The following CWC27 variants were observed in gnomAD, a reference collection of about 807,000 sequenced individuals.
CWC27 encodes the protein spliceosome-associated protein CWC27 homolog.
In CWC27, 47 loss-of-function variants were observed where a neutral mutation model predicts 63.6. That is an observed-to-expected ratio of 0.74 (90% CI 0.58 to 0.94). The LOEUF (loss-of-function observed/expected upper bound fraction) is 0.94. CWC27 is among the 40% of genes least tolerant of loss of function. CWC27 has a pLI of 0.00. For missense variants in CWC27, 495 were observed against 554.3 expected (o/e 0.89, Z 1.07); for synonymous variants, 175 against 179.8 (o/e 0.97, Z 0.22).
intron 10 of CWC27, among the ~76,000 whole-genome samples, chr5:64,858,070 G>A (rs1462515738): frequency 1.4e-5 from 2 of 139,412 alleles, no homozygotes; most frequent in Non-Finnish European, 1.5e-5. Context: ...CCCGGGAGGC[G>A]GAGCTTGCAG....
intron 8 of CWC27, 80 bp downstream of exon 8, chr5:64,800,407 G>A: frequency 1.9e-6 from 2 of 1,046,182 alleles, no homozygotes; most frequent in Non-Finnish European, 2.9e-6. Context: ...TGAGTAAACA[G>A]TCAGTCCTCA....
At chr5:64,797,485 TAAAAGTTAGTTA>T (rs1007855754) in intron 7 of CWC27, among the ~76,000 whole-genome samples, 1 of 152,172 alleles carries the variant, frequency 6.6e-6, no homozygotes, top group Non-Finnish European at 1.5e-5. Flanking sequence ...AATTTAATTT[TAAAAGTTAGTTA>T]AAATTTGAAA....
rs558041702 is a variant in CWC27 at position 64,867,079 on chromosome 5, GA to G, written c.939-18362del. 1.1e-4 allele frequency among the ~76,000 whole-genome samples: 16 copies of G among 152,194 alleles called. No individual in the cohort carries two copies. In the East Asian group the frequency reaches 3.1e-3, roughly 29 times the overall value. ...GGGAAGCAATTTGGGTTAGTTTTAA[GA>G]ATGTTCAAAAGAAAAGAGAATCAAG... On this transcript the variant is annotated intron_variant, in intron 10 of 13. Coordinates refer to ENST00000381070, the MANE Select transcript of CWC27 (RefSeq NM_005869.4).
chr5:64,986,386 C>T (rs1202993507), intron 13 of CWC27, among the ~76,000 whole-genome samples: 1 of 152,176 alleles, frequency 6.6e-6, no homozygotes, highest in Non-Finnish European at 1.5e-5. Context: ...ATAAATCCCA[C>T]TTGGTCATGG....
intron 4 of CWC27, among the ~76,000 whole-genome samples, chr5:64,784,457 C>T (rs921006819): frequency 5.9e-5 from 9 of 152,156 alleles, no homozygotes; most frequent in Non-Finnish European, 8.8e-5. Flanking sequence ...TATTAGGGAA[C>T]GTCCTTTCTA....
At chr5:64,936,129 A>G (rs1253127300) in intron 11 of CWC27, among the ~76,000 whole-genome samples, 2 of 152,118 alleles carry the variant, frequency 1.3e-5, no homozygotes, top group Non-Finnish European at 2.9e-5. Context: ...AGAACTTCCA[A>G]TATTATGTTG....
intron 11 of CWC27, among the ~76,000 whole-genome samples, chr5:64,892,856 T>G (rs878891144): frequency 5.3e-5 from 8 of 149,922 alleles, no homozygotes; most frequent in Admixed American, 4.0e-4. Flanking sequence ...CTCTCGTTCT[T>G]TAAAAAAAAA....
chr5:64,909,968 T>C (rs560644499), intron 11 of CWC27, among the ~76,000 whole-genome samples: 1 of 152,342 alleles, frequency 6.6e-6, no homozygotes, highest in East Asian at 1.9e-4. Context: ...CTTTGTTCCA[T>C]TGCTGGCAAG....
intron 11 of CWC27, among the ~76,000 whole-genome samples, chr5:64,904,883 C>T (rs576843725): frequency 1.3e-5 from 2 of 149,202 alleles, no homozygotes; most frequent in South Asian, 4.2e-4. Flanking sequence ...GATACTAGAA[C>T]AGCTCTGTAT....
chr5:64,842,077 G>A (rs969653172), intron 10 of CWC27, among the ~76,000 whole-genome samples: 1 of 152,186 alleles, frequency 6.6e-6, no homozygotes, highest in Admixed American at 6.5e-5. Context: ...TGTTTTAATA[G>A]AATATAGCCA....
At chr5:65,008,999 A>AT (rs1561187925) in intron 13 of CWC27, among the ~76,000 whole-genome samples, 2 of 135,352 alleles carry the variant, frequency 1.5e-5, no homozygotes, top group Non-Finnish European at 3.1e-5. Flanking sequence ...TGGGTAATTT[A>AT]TTTAAAAAAA....
chr5:64,924,956 G>GACAC (rs36083384), intron 11 of CWC27, among the ~76,000 whole-genome samples: 9,766 of 145,492 alleles, frequency 0.067, 956 homozygotes, highest in African/African-American at 0.22. Context: ...GTCTTTCTTA[G>GACAC]ACACACACAC....
At chr5:64,840,362 TAAAAAAAA>T (rs10534375) in intron 10 of CWC27, among the ~76,000 whole-genome samples, 85 of 22,134 alleles carry the variant, frequency 3.8e-3, no homozygotes, top group Admixed American at 6.5e-3. Flanking sequence ...CCTTTTTCAT[TAAAAAAAA>T]AAAAAAAAAA....
intron 10 of CWC27, among the ~76,000 whole-genome samples, chr5:64,878,591 T>A (rs1487687061): frequency 6.7e-6 from 1 of 150,084 alleles, no homozygotes. Context: ...AATGTATAGA[T>A]GAGAAAACTG....
At chr5:64,940,980 G>A (rs111630443) in intron 11 of CWC27, among the ~76,000 whole-genome samples, 2 of 151,212 alleles carry the variant, frequency 1.3e-5, no homozygotes, top group African/African-American at 2.4e-5. Flanking sequence ...CCAAGTAGCT[G>A]GGACTACAGG....
chr5:64,843,262 ACT>A (rs1172849819), intron 10 of CWC27, among the ~76,000 whole-genome samples: 1 of 152,222 alleles, frequency 6.6e-6, no homozygotes, highest in South Asian at 2.1e-4. Context: ...TTATTTTGTG[ACT>A]CTGAAAAGCC....
At chr5:64,952,117 C>T (rs1748721495) in intron 11 of CWC27, among the ~76,000 whole-genome samples, 1 of 151,906 alleles carries the variant, frequency 6.6e-6, no homozygotes, top group Admixed American at 6.6e-5. Context: ...CCAAGTGCAT[C>T]CTTCCATATA....
intron 10 of CWC27, among the ~76,000 whole-genome samples, chr5:64,843,954 T>C (rs1180530226): frequency 6.6e-6 from 1 of 151,946 alleles, no homozygotes; most frequent in Non-Finnish European, 1.5e-5. Context: ...ACCCACAAAG[T>C]TCAGCTAGAC....
At chr5:64,864,741 A>G (rs906752260) in intron 10 of CWC27, among the ~76,000 whole-genome samples, 1 of 152,164 alleles carries the variant, frequency 6.6e-6, no homozygotes, top group African/African-American at 2.4e-5. Context: ...TTCGTCACTA[A>G]GAAATACATT....
Sources: gnomAD v4.1 joint callset for allele counts (sites outside exome capture counted in the v4.1 genomes callset) on GRCh38, gnomAD v4.1.1 for gene constraint, MANE v1.5 for transcripts, NCBI Gene and HGNC (gene_info 2026-07-23, HGNC 2026-07-21) for gene names.